ARL3: variants seen among roughly 807,000 people sequenced by gnomAD.
ARL3 encodes the protein ADP-ribosylation factor-like protein 3.
A neutral mutation model predicts 26.0 loss-of-function variants in ARL3; 9 were observed. The observed-to-expected ratio is 0.35, with a 90% confidence interval of 0.21 to 0.60. The LOEUF (loss-of-function observed/expected upper bound fraction) is 0.60, where lower values mean the gene tolerates loss of function less well. Ranked by LOEUF, ARL3 falls within the 20% of genes least tolerant of loss-of-function variation. The pLI is 0.78. For synonymous variants in ARL3, 71 were observed against 78.4 expected (o/e 0.91, Z 0.50); for missense variants, 158 against 215.7 (o/e 0.73, Z 1.67).
chr10:102,714,193 G>A (rs2064367152), intron 1 of ARL3, 80 bp downstream of exon 1: 1 of 1,302,100 alleles, frequency 7.7e-7, no homozygotes, highest in Admixed American at 3.1e-5. Context: ...TTGGCTTTAA[G>A]CGCAGTGCTC....
rs1454290149 is a variant in ARL3, at chr10:102,705,978, G to C, written c.4-489C>G. ...GGATGACACACCCAAGTTAACACAC[G>C]ATTTTAAGGTGTTATACAAAAATAT... On this transcript the variant is annotated intron_variant, in intron 1 of 5. Transcript: ENST00000260746. Among the ~76,000 whole-genome samples, 4 of 151,952 alleles carry C rather than the reference G, an allele frequency of 2.6e-5. No individual in the cohort carries two copies. In the East Asian group the frequency reaches 7.7e-4, roughly 29 times the overall value.
chr10:102,703,251 A>C (rs2064289952), intron 2 of ARL3, among the ~76,000 whole-genome samples: 1 of 150,016 alleles, frequency 6.7e-6, no homozygotes, highest in Non-Finnish European at 1.5e-5. Flanking sequence ...TCTCCTGAGT[A>C]GCTGGGATAA....
chr10:102,705,558 T>C (rs961657152), intron 1 of ARL3, 69 bp from the exon 2 acceptor site: 2 of 1,378,658 alleles, frequency 1.5e-6, no homozygotes, highest in South Asian at 3.7e-5. Flanking sequence ...GATATGAGAA[T>C]AACTTCTCCT....
chr10:102,705,500 C>G lies in ARL3; in HGVS notation c.4-11G>C, dbSNP rs771703602. On this transcript the variant is annotated splice_polypyrimidine_tract_variant and intron_variant, in intron 1 of 5. Coordinates refer to ENST00000260746, the MANE Select transcript of ARL3 (RefSeq NM_004311.4). ...AATTGAGAGCAAGCCCTTCAACAAC[C>G]ACAAAGGAGACAGATTACTCTGGGG... 6 of 1,573,286 alleles carry G rather than the reference C, an allele frequency of 3.8e-6. No individual in the cohort carries two copies. Among genetic ancestry groups the G allele is most frequent in the Non-Finnish European group, 5.2e-6 (6 of 1,149,460 alleles).
chr10:102,696,945 A>G (rs1417035049), intron 3 of ARL3, among the ~76,000 whole-genome samples: 1 of 152,202 alleles, frequency 6.6e-6, no homozygotes, highest in African/African-American at 2.4e-5. Context: ...GGCAATTCTG[A>G]CATGGTGCCA....
intron 1 of ARL3, among the ~76,000 whole-genome samples, chr10:102,708,713 G>A (rs1039168349): frequency 4.0e-5 from 6 of 151,424 alleles, no homozygotes; most frequent in Non-Finnish European, 7.4e-5. Context: ...AAAATTAGCC[G>A]GGTATGGTGG....
chr10:102,700,182 G>A (rs887207795), intron 2 of ARL3, among the ~76,000 whole-genome samples: 4 of 152,062 alleles, frequency 2.6e-5, no homozygotes, highest in African/African-American at 7.2e-5. Context: ...AGGCCGAGGC[G>A]GATGGATCAG....
At chr10:102,691,267 C>A in intron 3 of ARL3, among the ~76,000 whole-genome samples, 1 of 103,834 alleles carries the variant, frequency 9.6e-6, no homozygotes, top group Non-Finnish European at 1.9e-5. Context: ...TGCTATCCCT[C>A]CCCCCTCCCC....
intron 2 of ARL3, among the ~76,000 whole-genome samples, chr10:102,705,050 T>G (rs901266876): frequency 6.6e-6 from 1 of 152,190 alleles, no homozygotes; most frequent in Non-Finnish European, 1.5e-5. Context: ...CACAGAACTC[T>G]TTCCATCTTG....
intron 5 of ARL3, among the ~76,000 whole-genome samples, chr10:102,681,341 A>C (rs572984250): frequency 1.3e-5 from 2 of 150,828 alleles, no homozygotes; most frequent in East Asian, 3.9e-4. Flanking sequence ...GCAGTGAGCC[A>C]AGGTTGTGCC....
At chr10:102,681,476 G>A (rs1248081261) in intron 5 of ARL3, among the ~76,000 whole-genome samples, 1 of 152,018 alleles carries the variant, frequency 6.6e-6, no homozygotes, top group Non-Finnish European at 1.5e-5. Context: ...ACCAAGAAAT[G>A]GGCGAGTGAG....
At chr10:102,704,685 T>C (rs773323834) in intron 2 of ARL3, among the ~76,000 whole-genome samples, 2 of 152,180 alleles carry the variant, frequency 1.3e-5, no homozygotes, top group South Asian at 4.2e-4. Context: ...AAAAAGAATA[T>C]AGGTACTCAG....
intron 1 of ARL3, among the ~76,000 whole-genome samples, chr10:102,708,559 A>T (rs906267778): frequency 2.0e-5 from 3 of 151,990 alleles, no homozygotes; most frequent in Admixed American, 6.6e-5. Flanking sequence ...TTCCTATTTT[A>T]AAAAAAATTT....
At chr10:102,677,777 C>T (rs535073419) in intron 5 of ARL3, among the ~76,000 whole-genome samples, 23 of 152,256 alleles carry the variant, frequency 1.5e-4, no homozygotes, top group African/African-American at 4.6e-4. Context: ...GTGGAGTTCC[C>T]TCAGAAGCCC....
rs1356803375 is a variant in ARL3, at chr10:102,676,289, T to A, written c.*605A>T. The A allele has an allele frequency of 6.8e-6, 1 of 147,474 alleles. No homozygotes were observed. The highest frequency in any genetic ancestry group is 6.9e-5 in the Admixed American group (1 of 14,588). The allele number at this position is 147,474 out of a possible 1,614,324, so 9.1% of individuals were successfully genotyped here. A position where few individuals can be genotyped will look rare whatever the true frequency, so the allele number is the denominator to read the frequency against. On this transcript the variant is annotated 3_prime_UTR_variant, in exon 6 of 6. Transcript: ENST00000260746. Reference sequence around the variant, plus strand: ...TTTTTTTTTTTTTCTGTCCAAAGAGTGAGGATTACATACGTAGTCTCCGAC... The same window carrying A: ...TTTTTTTTTTTTTCTGTCCAAAGAGAGAGGATTACATACGTAGTCTCCGAC...
intron 3 of ARL3, among the ~76,000 whole-genome samples, chr10:102,695,706 G>A (rs985348488): frequency 6.6e-6 from 1 of 152,038 alleles, no homozygotes; most frequent in Non-Finnish European, 1.5e-5. Flanking sequence ...TAGTAGAGAC[G>A]GGGTTTCTCC....
At chr10:102,688,757 CCTCCCAAAGGG>C (rs1186848057) in intron 4 of ARL3, among the ~76,000 whole-genome samples, 4 of 152,166 alleles carry the variant, frequency 2.6e-5, no homozygotes, top group Non-Finnish European at 5.9e-5. Context: ...CCCACCTCAG[CCTCCCAAAGGG>C]CTGGGATTAC....
At chr10:102,678,793 G>A (rs1564727966) in intron 5 of ARL3, among the ~76,000 whole-genome samples, 1 of 152,252 alleles carries the variant, frequency 6.6e-6, no homozygotes, top group Non-Finnish European at 1.5e-5. Flanking sequence ...TGGAGGGTGT[G>A]GGGTGGTTTT....
At chr10:102,708,908 A>ATTTTTTTTTTTTTT (rs1554864095) in intron 1 of ARL3, among the ~76,000 whole-genome samples, 2 of 95,346 alleles carry the variant, frequency 2.1e-5, no homozygotes, top group East Asian at 3.1e-4. Flanking sequence ...ATATATATAT[A>ATTTTTTTTTTTTTT]TTTTTTTTTT....
Sources: gnomAD v4.1 joint callset for allele counts (sites outside exome capture counted in the v4.1 genomes callset) on GRCh38, gnomAD v4.1.1 for gene constraint, MANE v1.5 for transcripts, NCBI Gene and HGNC (gene_info 2026-07-23, HGNC 2026-07-21) for gene names.